The following UGT1A4 variants were observed in gnomAD, a reference collection of about 807,000 sequenced individuals.
UGT1A4 encodes UDP-glucuronosyltransferase 1A4.
Under a neutral mutation model 41.1 loss-of-function variants are expected in UGT1A4, and 32 were observed. The observed-to-expected ratio is 0.78, with a 90% CI of 0.59 to 1.05. The LOEUF is 1.05. UGT1A4 is among the 50% of genes least tolerant of loss of function. The probability of loss-of-function intolerance (pLI) is 0.00; values close to 1 mark genes in which losing one functional copy is unlikely to be tolerated. For missense variants in UGT1A4, 748 were observed against 677.4 expected (o/e 1.10, Z -1.16); for synonymous variants, 283 against 265.1 (o/e 1.07, Z -0.66).
intron 2 of UGT1A4, among the ~76,000 whole-genome samples, chr2:233,767,590 G>T (rs1451772167): frequency 6.6e-6 from 1 of 152,126 alleles, no homozygotes; most frequent in Middle Eastern, 3.2e-3. Context: ...CCCTTAAAGT[G>T]CAGGAAAGTG....
intron 1 of UGT1A4, among the ~76,000 whole-genome samples, chr2:233,765,711 T>TTAATAA (rs10664358): frequency 0.086 from 12,799 of 149,198 alleles, 827 homozygotes; most frequent in East Asian, 0.2. Flanking sequence ...ATAATAATAA[T>TTAATAA]TAATAATAAT....
At chr2:233,759,343 G>A (rs548174363) in intron 1 of UGT1A4, among the ~76,000 whole-genome samples, 89 of 152,214 alleles carry the variant, frequency 5.8e-4, no homozygotes, top group Non-Finnish European at 1.2e-3. Context: ...TCAGGTGAGC[G>A]CTGAAAATCT....
rs753857882 is a variant in UGT1A4, at chr2:233,750,179, ATGT to A, written c.868-16851_868-16849del. ...AATGGTTTTGACCAAAATGCTGATA[ATGT>A]TGTGGACAATGAAGTCCAGGCTGAG... On this transcript the variant is annotated intron_variant, in intron 1 of 4. Transcript: ENST00000373409. Among the ~76,000 whole-genome samples, 2 of 151,978 alleles carry A rather than the reference ATGT, an allele frequency of 1.3e-5. 1 individual carries two copies. The highest frequency in any genetic ancestry group is 6.8e-3 in the Middle Eastern group (2 of 294).
chr2:233,755,153 C>T, intron 1 of UGT1A4: 10 of 1,299,120 alleles, frequency 7.7e-6, no homozygotes, highest in Non-Finnish European at 1.0e-5. Flanking sequence ...CCGCTTCCTC[C>T]CTGTCCTCGG....
At chr2:233,770,651 C>A (rs1700124792) in intron 4 of UGT1A4, 1 of 150,460 alleles carries the variant, frequency 6.6e-6, no homozygotes, top group Middle Eastern at 3.2e-3. Context: ...GAGTGAGACT[C>A]CGTCTTACTT....
intron 1 of UGT1A4, among the ~76,000 whole-genome samples, chr2:233,752,110 GAGA>G (rs1201520833): frequency 1.3e-5 from 2 of 152,210 alleles, no homozygotes; most frequent in East Asian, 1.9e-4. Flanking sequence ...AGAATCAGAG[GAGA>G]AGAAGATGAT....
chr2:233,751,561 A>T (rs1575707240), intron 1 of UGT1A4, among the ~76,000 whole-genome samples: 1 of 152,202 alleles, frequency 6.6e-6, no homozygotes, highest in African/African-American at 2.4e-5. Flanking sequence ...TCTCATCTCA[A>T]ATTGTAATCT....
Position 233,773,250 on chromosome 2 carries a change from T to C in UGT1A4, c.*691T>C, listed in dbSNP as rs967229603. 2.0e-5 allele frequency: 3 copies of C among 152,350 alleles called. No homozygotes were observed. Among genetic ancestry groups the C allele is most frequent in the Admixed American group, 6.5e-5 (1 of 15,274 alleles). The allele number at this position is 152,350 out of a possible 1,614,324, so 9.4% of individuals were successfully genotyped here. A position where few individuals can be genotyped will look rare whatever the true frequency, so the allele number is the denominator to read the frequency against. Reference sequence around the variant, plus strand: ...AAGTGCTGGGCAAGTTTACTTTTTTTCTGATGTTTCCTACAACTAAAAATA... The same window carrying C: ...AAGTGCTGGGCAAGTTTACTTTTTTCCTGATGTTTCCTACAACTAAAAATA... On this transcript the variant is annotated 3_prime_UTR_variant, in exon 5 of 5. Coordinates refer to ENST00000373409, the MANE Select transcript of UGT1A4 (RefSeq NM_007120.3).
intron 1 of UGT1A4, chr2:233,721,510 A>T (rs186702704): frequency 1.1e-3 from 179 of 168,498 alleles, no homozygotes; most frequent in African/African-American, 4.2e-3. Context: ...CATTTATTTT[A>T]TGCTGAATTT....
At position 233,757,558 on chromosome 2, in the gene UGT1A4, A is replaced by G. The variant is rs1013342289; in HGVS notation, c.868-9476A>G. ...GGAATATATATATATATATATATAT[A>G]TATGTATATATGATATAGCTATAGT... On this transcript the variant is annotated intron_variant, in intron 1 of 4. Transcript: ENST00000373409. Among the ~76,000 whole-genome samples the G allele has an allele frequency of 6.8e-4, 85 of 124,456 alleles. 2 individuals carry two copies. Among genetic ancestry groups the G allele is most frequent in the Admixed American group, 2.1e-3 (27 of 12,944 alleles). 81.6% of individuals were successfully genotyped at this position (124,456 alleles called of 152,430 possible).
chr2:233,719,033 A>C lies in UGT1A4; in HGVS notation c.213A>C (p.Glu71Asp), dbSNP rs754383567. Residue 71 changes from glutamate to aspartate, a missense_variant, in exon 1 of 5, where the codon GAA becomes GAC. Transcript: ENST00000373409. Reference sequence around the variant, plus strand: ...CAGAGGTGAATATGCACATCAAAGAAGAGAAATTTTTCACCCTGACAGCCT... The same window carrying C: ...CAGAGGTGAATATGCACATCAAAGACGAGAAATTTTTCACCCTGACAGCCT... The part of the protein sequence containing the change: ...LTPEVNMHIK[E>D]EKFFTLTAYA... 6.8e-6 allele frequency: 11 copies of C among 1,614,270 alleles called. No individual in the cohort carries two copies. Among genetic ancestry groups the C allele is most frequent in the Non-Finnish European group, 9.3e-6 (11 of 1,180,040 alleles).
intron 1 of UGT1A4, among the ~76,000 whole-genome samples, chr2:233,737,265 G>A (rs1426808830): frequency 2.0e-5 from 3 of 152,296 alleles, no homozygotes; most frequent in East Asian, 3.9e-4. Context: ...CAGCAATGGC[G>A]GACACCCCTC....
intron 1 of UGT1A4, among the ~76,000 whole-genome samples, chr2:233,744,682 A>C (rs1267258070): frequency 1.3e-5 from 2 of 151,904 alleles, no homozygotes; most frequent in African/African-American, 4.9e-5. Flanking sequence ...TCACCCATGT[A>C]GCTTCTGGAA....
At chr2:233,759,792 T>C (rs945566213) in intron 1 of UGT1A4, among the ~76,000 whole-genome samples, 3 of 152,146 alleles carry the variant, frequency 2.0e-5, no homozygotes, top group African/African-American at 7.2e-5. Flanking sequence ...ATGAAACACA[T>C]GATACAAGTG....
chr2:233,760,477 G>A (rs775184773), intron 1 of UGT1A4: 6 of 1,614,242 alleles, frequency 3.7e-6, no homozygotes, highest in South Asian at 2.2e-5. Flanking sequence ...AGCACCTGAC[G>A]CCTCGTTGTA....
chr2:233,759,533 T>A (rs1026147769), intron 1 of UGT1A4, among the ~76,000 whole-genome samples: 11 of 151,998 alleles, frequency 7.2e-5, no homozygotes, highest in African/African-American at 2.7e-4. Context: ...AAGACTTCTG[T>A]TCACATGCGC....
chr2:233,743,538 C>T, intron 1 of UGT1A4: 1 of 1,367,252 alleles, frequency 7.3e-7, no homozygotes, highest in Non-Finnish European at 9.8e-7. Flanking sequence ...AGCAGTTCCT[C>T]TGACCCCCCC....
chr2:233,724,345 C>T (rs2077230471), intron 1 of UGT1A4, among the ~76,000 whole-genome samples: 3 of 148,032 alleles, frequency 2.0e-5, no homozygotes, highest in East Asian at 2.1e-4. Flanking sequence ...GGCTGACCCC[C>T]CCCACCTCCC....
At chr2:233,729,642 T>A in intron 1 of UGT1A4, 2 of 1,613,942 alleles carry the variant, frequency 1.2e-6, no homozygotes, top group Non-Finnish European at 1.7e-6. Context: ...CTGTGTTTTT[T>A]TTGAGGAACA....
Sources: gnomAD v4.1 joint callset for allele counts (sites outside exome capture counted in the v4.1 genomes callset) on GRCh38, gnomAD v4.1.1 for gene constraint, MANE v1.5 for transcripts, NCBI Gene and HGNC (gene_info 2026-07-23, HGNC 2026-07-21) for gene names.